Variants in YIPF1 observed in about 807,000 individuals in gnomAD.
The protein encoded by YIPF1 is Yip1 domain family member 1, also known as protein YIPF1.
In YIPF1, 22 loss-of-function variants were observed where a neutral mutation model predicts 37.0. The ratio of observed to expected loss-of-function variants is 0.59; its 90% CI spans 0.42 to 0.85. The LOEUF (loss-of-function observed/expected upper bound fraction) is 0.85, where lower values mean the gene tolerates loss of function less well. Among genes scored for constraint, YIPF1 ranks in the 40% least tolerant of loss-of-function variants. The probability of loss-of-function intolerance (pLI) is 0.00; values close to 1 mark genes in which losing one functional copy is unlikely to be tolerated. For missense variants in YIPF1, 355 were observed against 373.1 expected (o/e 0.95, Z 0.40); for synonymous variants, 128 against 131.9 (o/e 0.97, Z 0.21).
intron 10 of YIPF1, among the ~76,000 whole-genome samples, chr1:53,856,569 GACT>G (rs1385780411): frequency 2.0e-5 from 3 of 152,126 alleles, no homozygotes; most frequent in Non-Finnish European, 4.4e-5. Flanking sequence ...ATGGGAAGCA[GACT>G]ACTTTTTCCA....
At chr1:53,883,835 C>T (rs1187226284) in intron 3 of YIPF1, among the ~76,000 whole-genome samples, 4 of 151,012 alleles carry the variant, frequency 2.6e-5, no homozygotes, top group Non-Finnish European at 5.9e-5. Context: ...GTCAGGAGTT[C>T]GACCAGCCTG....
chr1:53,865,806 A>G (rs1347064618), intron 9 of YIPF1, among the ~76,000 whole-genome samples: 1 of 152,096 alleles, frequency 6.6e-6, no homozygotes, highest in Non-Finnish European at 1.5e-5. Context: ...CTTTTGAGAC[A>G]GGGTCTCCCT....
At chr1:53,856,129 C>G (rs1408788344) in intron 10 of YIPF1, among the ~76,000 whole-genome samples, 2 of 152,190 alleles carry the variant, frequency 1.3e-5, no homozygotes, top group Non-Finnish European at 2.9e-5. Context: ...GCCAGGGAGG[C>G]TGCAAAGAAG....
At position 53,871,478 on chromosome 1, in the gene YIPF1, C is replaced by G; in HGVS notation, c.375G>C (p.Trp125Cys). 1 of 1,612,892 alleles carries G rather than the reference C, an allele frequency of 6.2e-7. No homozygotes were observed. ...TGGCAAAGACCAACGTGGCACATAT[C>G]CAAAAGGGGCCTGCAAAGGAAACCA... Reference protein sequence around the residue: ...RSNPDLYGPFWICATLVFAIA... With the variant: ...RSNPDLYGPFCICATLVFAIA... Residue 125 changes from tryptophan to cysteine, a missense_variant, in exon 7 of 11, where the codon TGG becomes TGC. By Grantham distance (215) the Trp-to-Cys change is radical. Transcript: ENST00000072644.
chr1:53,862,369 C>T (rs537243222), intron 9 of YIPF1, among the ~76,000 whole-genome samples: 11 of 152,102 alleles, frequency 7.2e-5, no homozygotes, highest in Non-Finnish European at 1.3e-4. Flanking sequence ...ATCTAGGCAC[C>T]GTGGAGACCT....
rs145016816 is a variant in YIPF1 at position 53,859,131 on chromosome 1, A to C, written c.*8+925T>G. Among the ~76,000 whole-genome samples, 929 of 152,288 alleles carry C rather than the reference A, an allele frequency of 6.1e-3. 6 individuals carry two copies. The highest frequency in any genetic ancestry group is 0.022 in the African/African-American group (897 of 41,554). ...GCCACAAATATTTACTGAGTGCCCT[A>C]TGTATACTAGGTTATGTGGTAGGCA... On this transcript the variant is annotated intron_variant, in intron 10 of 10. Transcript: ENST00000072644.
chr1:53,860,621 G>C (rs956268741), intron 9 of YIPF1, among the ~76,000 whole-genome samples: 1 of 152,086 alleles, frequency 6.6e-6, no homozygotes, highest in Admixed American at 6.6e-5. Flanking sequence ...CCCTGCACAG[G>C]GCCTGGCACA....
intron 6 of YIPF1, among the ~76,000 whole-genome samples, chr1:53,873,334 G>C (rs1258929124): frequency 6.6e-6 from 1 of 152,174 alleles, no homozygotes; most frequent in African/African-American, 2.4e-5. Context: ...AGTTCACCAA[G>C]TGAGGACAGA....
intron 4 of YIPF1, 75 bp downstream of exon 4, chr1:53,883,038 C>T (rs1212617728): frequency 1.9e-5 from 28 of 1,463,292 alleles, no homozygotes; most frequent in Non-Finnish European, 2.4e-5. Context: ...GTACCTGGCA[C>T]ACAGTAGACA....
rs954074997 is a variant in YIPF1 at position 53,866,233 on chromosome 1, C to G, written c.798G>C (p.Val266=). Reference sequence around the variant, plus strand: ...CCACAGAAAGCAGCATATGGAGCAACACAATTGTCACAATTGTGGCCAATG... The same window carrying G: ...CCACAGAAAGCAGCATATGGAGCAAGACAATTGTCACAATTGTGGCCAATG... ...RVALATIVTI[V]LLHMLLSVGC... is the part of the protein sequence containing the mutation. The change falls in exon 9 of 11, where the codon GTG becomes GTC. Residue 266 remains valine, a synonymous_variant. Coordinates refer to ENST00000072644, the MANE Select transcript of YIPF1 (RefSeq NM_018982.5). 3 of 1,614,002 alleles carry G rather than the reference C, an allele frequency of 1.9e-6. No homozygotes were observed. Among genetic ancestry groups the G allele is most frequent in the Admixed American group, 1.7e-5 (1 of 59,998 alleles).
Position 53,889,353 on chromosome 1 carries a change from CT to C in YIPF1, c.-160del, listed in dbSNP as rs1650744065. ...CAGTGAAGAACAAAGGCAGTTCAGCCTAGCCAGTGGTTAAAGGCACAGGCTC... is the reference window on the plus strand; with the variant it reads ...CAGTGAAGAACAAAGGCAGTTCAGCCAGCCAGTGGTTAAAGGCACAGGCTC... On this transcript the variant is annotated 5_prime_UTR_variant, in exon 2 of 11. An upstream open reading frame in the 5' UTR loses its in-frame stop. Transcript: ENST00000072644. The C allele has an allele frequency of 6.1e-6, 1 of 162,816 alleles. No homozygotes were observed. Among genetic ancestry groups the C allele is most frequent in the African/African-American group, 2.4e-5 (1 of 41,866 alleles). The allele number at this position is 162,816 out of a possible 1,614,324, so 10.1% of individuals were successfully genotyped here. A position where few individuals can be genotyped will look rare whatever the true frequency, so the allele number is the denominator to read the frequency against.
At chr1:53,860,833 G>A (rs1023570379) in intron 9 of YIPF1, among the ~76,000 whole-genome samples, 1 of 152,190 alleles carries the variant, frequency 6.6e-6, no homozygotes, top group Admixed American at 6.5e-5. Context: ...GGAGGTAAAG[G>A]AGGGAAGACA....
chr1:53,882,521 A>G (rs542369920), intron 4 of YIPF1, among the ~76,000 whole-genome samples: 1 of 151,474 alleles, frequency 6.6e-6, no homozygotes, highest in Admixed American at 6.6e-5. Flanking sequence ...GTAGTGGTGC[A>G]ATCTCAGCTC....
At chr1:53,888,766 A>G (rs1650723333) in intron 3 of YIPF1, 141 bp downstream of exon 3, 1 of 809,624 alleles carries the variant, frequency 1.2e-6, no homozygotes, top group African/African-American at 1.7e-5. Context: ...ACAAACAGGA[A>G]ACACCTGGAT....
intron 3 of YIPF1, among the ~76,000 whole-genome samples, chr1:53,884,891 G>A (rs1239582943): frequency 6.6e-6 from 1 of 152,246 alleles, no homozygotes; most frequent in East Asian, 1.9e-4. Flanking sequence ...AGTCCTAGCA[G>A]TAGGACAGCT....
At chr1:53,866,464 G>A (rs921443682) in intron 8 of YIPF1, 82 bp from the exon 9 acceptor site, 17 of 1,451,040 alleles carry the variant, frequency 1.2e-5, no homozygotes, top group Middle Eastern at 4.9e-4. Flanking sequence ...AAAGGCCCCT[G>A]AGCCAATCAG....
Position 53,860,027 on chromosome 1 carries a change from C to T in YIPF1, c.*8+29G>A, listed in dbSNP as rs138273393. The T allele has an allele frequency of 1.4e-3, 2,205 of 1,610,104 alleles. 28 individuals are homozygous for T. The African/African-American group carries it at 0.024, about 17-fold the overall frequency. On this transcript the variant is annotated intron_variant, in intron 10 of 10. Transcript: ENST00000072644. ...CACCTGCCCATGTTTTATGGCACCACACAGCAAAATAAAAATAGAATCTCT... is the reference window on the plus strand; with the variant it reads ...CACCTGCCCATGTTTTATGGCACCATACAGCAAAATAAAAATAGAATCTCT...
chr1:53,860,278 G>T lies in YIPF1; in HGVS notation c.832-125C>A, dbSNP rs115265691. On this transcript the variant is annotated intron_variant, in intron 9 of 10. Coordinates refer to ENST00000072644, the MANE Select transcript of YIPF1 (RefSeq NM_018982.5). Reference sequence around the variant, plus strand: ...CCCCTAAGTTCTTCCTACCATATTTGCCATCACACTAAACTACAACCATCT... The same window carrying T: ...CCCCTAAGTTCTTCCTACCATATTTTCCATCACACTAAACTACAACCATCT... The T allele has an allele frequency of 7.0e-4, 571 of 810,198 alleles. 2 individuals carry two copies. In the African/African-American group the frequency reaches 8.6e-3, roughly 12 times the overall value. 50.2% of individuals were successfully genotyped at this position (810,198 alleles called of 1,614,324 possible). A position where few individuals can be genotyped will look rare whatever the true frequency, so the allele number is the denominator to read the frequency against.
At chr1:53,878,583 C>T in intron 5 of YIPF1, 59 bp downstream of exon 5, 1 of 1,560,350 alleles carries the variant, frequency 6.4e-7, no homozygotes, top group South Asian at 1.2e-5. Flanking sequence ...GGTTGTTCAA[C>T]CATTAAAGAA....
Sources: allele counts gnomAD v4.1 joint callset (sites outside exome capture counted in the v4.1 genomes callset), GRCh38; gene constraint gnomAD v4.1.1; transcripts MANE v1.5; gene names NCBI Gene and HGNC (gene_info 2026-07-23, HGNC 2026-07-21).